Variants in COL23A1 observed in about 807,000 individuals in gnomAD.
COL23A1 encodes the protein collagen alpha-1(XXIII) chain.
Under a neutral mutation model 99.3 loss-of-function variants are expected in COL23A1, and 97 were observed. The ratio of observed to expected loss-of-function variants is 0.98; its 90% CI spans 0.83 to 1.16. The LOEUF (loss-of-function observed/expected upper bound fraction) is 1.16, where lower values mean the gene tolerates loss of function less well. COL23A1 is among the 50% of genes most tolerant of loss of function. The pLI, the probability that COL23A1 is intolerant of heterozygous loss-of-function variation, is 0.00. For missense variants in COL23A1, 762 were observed against 757.4 expected (o/e 1.01, Z -0.07); for synonymous variants, 320 against 308.2 (o/e 1.04, Z -0.40).
intron 1 of COL23A1, chr5:178,562,744 G>GGGGGGGGGGGGGGGGGGGGGGT (rs1762663095): frequency 7.0e-6 from 1 of 143,548 alleles, no homozygotes; most frequent in African/African-American, 2.8e-5. Flanking sequence ...GGTGGGGGGG[G>GGGGGGGGGGGGGGGGGGGGGGT]TGCGGGCTTT....
intron 14 of COL23A1, 122 bp from the exon 15 acceptor site, chr5:178,256,519 A>C (rs1177051377): frequency 2.3e-6 from 2 of 854,998 alleles, no homozygotes; most frequent in Non-Finnish European, 1.7e-6. Flanking sequence ...GAACCCTAAT[A>C]GCCAAATGTA....
At chr5:178,257,488 G>A (rs766274592) in intron 13 of COL23A1, 35 bp downstream of exon 13, 16 of 1,560,000 alleles carry the variant, frequency 1.0e-5, no homozygotes, top group Non-Finnish European at 1.4e-5. Context: ...GGGAGGTGGG[G>A]GCAGGGGGCC....
chr5:178,349,563 C>T (rs992285688), intron 2 of COL23A1, among the ~76,000 whole-genome samples: 10 of 151,878 alleles, frequency 6.6e-5, no homozygotes, highest in Non-Finnish European at 1.0e-4. Flanking sequence ...CACGCCTGGC[C>T]TCCCGTGCCT....
Position 178,280,173 on chromosome 5 carries a change from C to G in COL23A1, c.441+8151G>C, listed in dbSNP as rs1756818927. On this transcript the variant is annotated intron_variant, in intron 5 of 28. Transcript: ENST00000390654. This position sits in a 1 kb window ranked among gnomAD's most constrained non-coding sequence, Gnocchi z 4.9. ...CGCTTGACCTGCCGAAGGCTGCCTCCAGCCCTGGCGGACTCTTGCGCTGGA... is the reference window on the plus strand; with the variant it reads ...CGCTTGACCTGCCGAAGGCTGCCTCGAGCCCTGGCGGACTCTTGCGCTGGA... Among the ~76,000 whole-genome samples, 1 of 152,270 alleles carries G rather than the reference C, an allele frequency of 6.6e-6. No individual in the cohort carries two copies. Among genetic ancestry groups the G allele is most frequent in the African/African-American group, 2.4e-5 (1 of 41,476 alleles).
intron 15 of COL23A1, 66 bp downstream of exon 15, chr5:178,256,287 G>C: frequency 8.2e-7 from 1 of 1,218,324 alleles, no homozygotes; most frequent in East Asian, 2.6e-5. Flanking sequence ...TGGGGACAGG[G>C]GCTTCTGAAG....
intron 2 of COL23A1, among the ~76,000 whole-genome samples, chr5:178,490,617 CTT>C (rs1348784207): frequency 6.6e-6 from 1 of 151,848 alleles, no homozygotes; most frequent in Non-Finnish European, 1.5e-5. Context: ...AAAAAAAAAT[CTT>C]TAAAAAAATT....
At chr5:178,575,239 A>G (rs1033420649) in intron 1 of COL23A1, among the ~76,000 whole-genome samples, 2 of 152,204 alleles carry the variant, frequency 1.3e-5, no homozygotes, top group Admixed American at 6.5e-5. Context: ...GAAGTCAGCC[A>G]CAAAACTAAG....
chr5:178,432,329 A>C (rs1165201949), intron 2 of COL23A1, among the ~76,000 whole-genome samples: 1 of 152,200 alleles, frequency 6.6e-6, no homozygotes, highest in Non-Finnish European at 1.5e-5. Context: ...AGGAATTGAA[A>C]AGCCAAACAG....
At chr5:178,411,645 T>A (rs1422427319) in intron 2 of COL23A1, among the ~76,000 whole-genome samples, 1 of 152,190 alleles carries the variant, frequency 6.6e-6, no homozygotes, top group Non-Finnish European at 1.5e-5. Flanking sequence ...AAATGGGGGA[T>A]GAATGACTGC....
intron 2 of COL23A1, among the ~76,000 whole-genome samples, chr5:178,475,803 T>C (rs752827318): frequency 6.6e-6 from 1 of 152,200 alleles, no homozygotes; most frequent in Non-Finnish European, 1.5e-5. Flanking sequence ...TTGTTGGACA[T>C]ATGCCCCCTT....
At chr5:178,256,639 T>C (rs553863279) in intron 14 of COL23A1, among the ~76,000 whole-genome samples, 1 of 152,318 alleles carries the variant, frequency 6.6e-6, no homozygotes, top group East Asian at 1.9e-4. Context: ...TGAGGCTGCA[T>C]GGTGAGTTGG....
chr5:178,393,717 C>T (rs1273713837), intron 2 of COL23A1, among the ~76,000 whole-genome samples: 2 of 151,082 alleles, frequency 1.3e-5, no homozygotes, highest in African/African-American at 2.4e-5. Context: ...CTCACTGCAA[C>T]CTCCACCTCC....
rs750350309 is a variant in COL23A1, at chr5:178,247,875, C to T, written c.1213-44G>A. 1.0e-5 allele frequency: 16 copies of T among 1,537,688 alleles called. No individual in the cohort carries two copies. In the African/African-American group the frequency reaches 1.4e-4, roughly 13 times the overall value. On this transcript the variant is annotated intron_variant, in intron 20 of 28. Coordinates refer to ENST00000390654, the MANE Select transcript of COL23A1 (RefSeq NM_173465.4). ...AGGTTAGTCACCCACCGCCTGTCACCCTCACCTACCCGCACCCGAGCTCAT... is the reference window on the plus strand; with the variant it reads ...AGGTTAGTCACCCACCGCCTGTCACTCTCACCTACCCGCACCCGAGCTCAT...
chr5:178,519,886 C>A (rs1478882067), intron 2 of COL23A1, among the ~76,000 whole-genome samples: 1 of 151,986 alleles, frequency 6.6e-6, no homozygotes, highest in Non-Finnish European at 1.5e-5. Context: ...AGATGATGGA[C>A]AGATGCATGG....
At chr5:178,495,195 C>T (rs528072777) in intron 2 of COL23A1, among the ~76,000 whole-genome samples, 7 of 152,358 alleles carry the variant, frequency 4.6e-5, no homozygotes, top group African/African-American at 7.2e-5. Context: ...TCCCTGCACC[C>T]CGCCCATCAG....
rs965571111 is a variant in COL23A1, at chr5:178,590,289, C to T, written c.-92G>A. 41 of 1,101,234 alleles carry T rather than the reference C, an allele frequency of 3.7e-5. No homozygotes were observed. Among genetic ancestry groups the T allele is most frequent in the Admixed American group, 4.7e-5 (1 of 21,490 alleles). The allele number at this position is 1,101,234 out of a possible 1,614,324, so 68.2% of individuals were successfully genotyped here. A position where few individuals can be genotyped will look rare whatever the true frequency, so the allele number is the denominator to read the frequency against. On this transcript the variant is annotated 5_prime_UTR_variant, in exon 1 of 29. The change creates a new upstream start codon in the 5' untranslated region. Transcript: ENST00000390654. The surrounding 1 kb of genome is among the most constrained non-coding windows in gnomAD (Gnocchi z 5.7). ...GGAGCAGGCGGGACAGCCCGAGGCA[C>T]GAGGTCCGCCGGGCGCGGGGGTTAG...
At chr5:178,361,594 T>A (rs1027727360) in intron 2 of COL23A1, among the ~76,000 whole-genome samples, 6 of 151,938 alleles carry the variant, frequency 3.9e-5, no homozygotes, top group Non-Finnish European at 7.4e-5. Context: ...GTCTCCATCA[T>A]ACACCCCCCT....
intron 2 of COL23A1, 83 bp downstream of exon 2, chr5:178,560,599 C>G: frequency 7.6e-7 from 1 of 1,308,786 alleles, no homozygotes; most frequent in South Asian, 1.3e-5. Flanking sequence ...CCCAGTCCAC[C>G]TTCCGGACCA....
chr5:178,527,127 G>A (rs1478724453), intron 2 of COL23A1, among the ~76,000 whole-genome samples: 1 of 152,154 alleles, frequency 6.6e-6, no homozygotes, highest in African/African-American at 2.4e-5. Flanking sequence ...CCCCAGAAGT[G>A]GAGCCCAGAT....
Sources: gnomAD v4.1 joint callset for allele counts (sites outside exome capture counted in the v4.1 genomes callset) on GRCh38, gnomAD v4.1.1 for gene constraint, Gnocchi (gnomAD v3.1) non-coding constraint, MANE v1.5 for transcripts, NCBI Gene and HGNC (gene_info 2026-07-23, HGNC 2026-07-21) for gene names.